RUFY3: variants seen among roughly 807,000 people sequenced by gnomAD.
RUFY3 encodes the protein RUN and FYVE domain containing 3.
In RUFY3, 34 loss-of-function variants were observed where a neutral mutation model predicts 84.0. The ratio of observed to expected loss-of-function variants is 0.40; its 90% confidence interval spans 0.31 to 0.54. The LOEUF is 0.54. RUFY3 is among the 20% of genes least tolerant of loss of function. The pLI is 0.39. For synonymous variants in RUFY3, 242 were observed against 252.9 expected (o/e 0.96, Z 0.41); for missense variants, 507 against 736.8 (o/e 0.69, Z 3.61).
At chr4:70,771,231 A>G (rs183990817) in intron 5 of RUFY3, among the ~76,000 whole-genome samples, 3 of 152,290 alleles carry the variant, frequency 2.0e-5, no homozygotes, top group Admixed American at 6.5e-5. Flanking sequence ...TACTTGCATG[A>G]CGCAGGGTTG....
At chr4:70,792,975 T>C (rs1731051306) in intron 12 of RUFY3, 2 of 985,332 alleles carry the variant, frequency 2.0e-6, no homozygotes, top group Non-Finnish European at 2.4e-6. Flanking sequence ...AATACCGAAA[T>C]TGAACTTTCT....
chr4:70,745,332 C>T (rs1347022651), intron 1 of RUFY3, among the ~76,000 whole-genome samples: 1 of 152,098 alleles, frequency 6.6e-6, no homozygotes, highest in African/African-American at 2.4e-5. Flanking sequence ...TCTTAGGGTA[C>T]AATTGTATGA....
At chr4:70,766,743 G>A (rs992368515) in intron 4 of RUFY3, among the ~76,000 whole-genome samples, 1 of 151,966 alleles carries the variant, frequency 6.6e-6, no homozygotes, top group Non-Finnish European at 1.5e-5. Context: ...ATCTCCCAAA[G>A]TTCATAGTTC....
intron 12 of RUFY3, chr4:70,792,693 C>T (rs554334932): frequency 2.1e-6 from 2 of 947,196 alleles, no homozygotes; most frequent in Admixed American, 1.3e-4. Context: ...AATTCTTTAT[C>T]TTTTTCTTGG....
At position 70,768,566 on chromosome 4, in the gene RUFY3, A is replaced by G. The variant is rs182772740; in HGVS notation, c.601A>G (p.Met201Val). Residue 201 changes from methionine (M) to valine (V), a missense_variant, in exon 5 of 18, where the codon ATG becomes GTG. Coordinates refer to ENST00000381006, the MANE Select transcript of RUFY3 (RefSeq NM_001037442.4). ...SEFYEPNALM[M>V]EEEGAIIAGL... ...ATTCTACGAACCCAATGCCCTCATG[A>G]TGGAAGAAGAAGGAGCCATAATTGC... is the stretch of plus-strand genomic sequence containing the variant. 156 of 1,613,968 alleles carry G rather than the reference A, an allele frequency of 9.7e-5. No individual in the cohort carries two copies. Among genetic ancestry groups the G allele is most frequent in the Middle Eastern group, 3.3e-4 (2 of 6,060 alleles).
chr4:70,772,497 G>A (rs1727132442), intron 5 of RUFY3, among the ~76,000 whole-genome samples: 1 of 152,066 alleles, frequency 6.6e-6, no homozygotes, highest in African/African-American at 2.4e-5. Context: ...AATGCAGTTA[G>A]AACAGGGCCT....
chr4:70,794,738 G>A, intron 13 of RUFY3, 57 bp from the exon 14 acceptor site: 1 of 1,131,028 alleles, frequency 8.8e-7, no homozygotes, highest in Non-Finnish European at 1.3e-6. Context: ...ATTCTTTAGA[G>A]AATATGTCTG....
chr4:70,742,144 A>C (rs1425015218), intron 1 of RUFY3, among the ~76,000 whole-genome samples: 2 of 152,046 alleles, frequency 1.3e-5, no homozygotes, highest in African/African-American at 4.8e-5. Context: ...TGGTGTAATT[A>C]TTTTTTGTTA....
At chr4:70,784,375 C>T (rs1729437974) in intron 9 of RUFY3, among the ~76,000 whole-genome samples, 1 of 151,962 alleles carries the variant, frequency 6.6e-6, no homozygotes, top group South Asian at 2.1e-4. Context: ...CCCAGCTACT[C>T]GGGAAGCTGA....
At chr4:70,716,840 T>A (rs1741681030) in intron 1 of RUFY3, among the ~76,000 whole-genome samples, 1 of 131,054 alleles carries the variant, frequency 7.6e-6, no homozygotes. Context: ...AACAAAACTC[T>A]GTCTCAAAAA....
At chr4:70,736,744 G>C (rs1327966071) in intron 1 of RUFY3, among the ~76,000 whole-genome samples, 1 of 151,998 alleles carries the variant, frequency 6.6e-6, no homozygotes, top group African/African-American at 2.4e-5. Context: ...GCTAATTTTT[G>C]TATTTTCAGT....
At chr4:70,762,766 C>T in intron 2 of RUFY3, 74 bp downstream of exon 2, 3 of 1,235,298 alleles carry the variant, frequency 2.4e-6, no homozygotes, top group Non-Finnish European at 3.4e-6. Flanking sequence ...AGAAAGCATT[C>T]TTTGTGGAGC....
At chr4:70,738,476 C>T (rs1161440642) in intron 1 of RUFY3, among the ~76,000 whole-genome samples, 1 of 149,910 alleles carries the variant, frequency 6.7e-6, no homozygotes, top group South Asian at 2.1e-4. Context: ...AATTATCCTG[C>T]CTCAGCCTCT....
intron 1 of RUFY3, among the ~76,000 whole-genome samples, chr4:70,724,583 T>C (rs948795386): frequency 7.2e-5 from 11 of 152,216 alleles, no homozygotes; most frequent in Admixed American, 4.6e-4. Flanking sequence ...ATAAATTGTA[T>C]GTCTGCTGAT....
chr4:70,775,140 T>G (rs896990818), intron 6 of RUFY3, 28 bp from the exon 7 acceptor site: 6 of 1,537,744 alleles, frequency 3.9e-6, no homozygotes, highest in East Asian at 2.3e-5. Flanking sequence ...TTATTTATTT[T>G]ATTTCTATTT....
At chr4:70,774,661 AT>A in intron 6 of RUFY3, among the ~76,000 whole-genome samples, 2 of 134,318 alleles carry the variant, frequency 1.5e-5, no homozygotes, top group Non-Finnish European at 3.1e-5. Context: ...ATATATATAT[AT>A]ATATATATAA....
intron 8 of RUFY3, among the ~76,000 whole-genome samples, chr4:70,782,679 G>A (rs146540076): frequency 0.013 from 2,053 of 152,202 alleles, 22 homozygotes; most frequent in Middle Eastern, 0.034. Context: ...TTGGGAGGCC[G>A]AGGTGGGCAG....
At chr4:70,793,719 G>C (rs774964963) in intron 12 of RUFY3, 66 bp from the exon 13 acceptor site, 1 of 1,611,718 alleles carries the variant, frequency 6.2e-7, no homozygotes, top group Non-Finnish European at 8.5e-7. Flanking sequence ...TTTGTGTTGT[G>C]AACTTGGTCT....
chr4:70,760,981 A>G (rs934756469), intron 1 of RUFY3, among the ~76,000 whole-genome samples: 11 of 152,228 alleles, frequency 7.2e-5, no homozygotes, highest in African/African-American at 2.7e-4. Context: ...AGCAGATATA[A>G]ATAAAAACCT....
Sources: allele counts gnomAD v4.1 joint callset (sites outside exome capture counted in the v4.1 genomes callset), GRCh38; gene constraint gnomAD v4.1.1; transcripts MANE v1.5; gene names NCBI Gene and HGNC (gene_info 2026-07-23, HGNC 2026-07-21).